The following ETNK2 variants were observed in gnomAD, a reference collection of about 807,000 sequenced individuals.
The protein encoded by ETNK2 is ethanolamine kinase 2.
In ETNK2, 33 loss-of-function variants were observed where a neutral mutation model predicts 46.2. That is an observed-to-expected ratio of 0.71 (90% CI 0.54 to 0.96). ETNK2 has a LOEUF of 0.96. ETNK2 is among the 40% of genes least tolerant of loss of function. The probability of loss-of-function intolerance (pLI) is 0.00; values close to 1 mark genes in which losing one functional copy is unlikely to be tolerated. For missense variants in ETNK2, 445 were observed against 509.7 expected, an observed-to-expected ratio of 0.87 and a Z score of 1.22; for synonymous variants, 194 against 209.0, an observed-to-expected ratio of 0.93 and a Z score of 0.62.
At position 204,133,778 on chromosome 1, in the gene ETNK2, G is replaced by A. The variant is rs571285214; in HGVS notation, c.1088+737C>T. 5.5e-3 allele frequency among the ~76,000 whole-genome samples: 835 copies of A among 152,246 alleles called. 4 individuals carry two copies. Among genetic ancestry groups the A allele is most frequent in the African/African-American group, 0.019 (797 of 41,548 alleles). On this transcript the variant is annotated intron_variant, in intron 7 of 7. Transcript: ENST00000367202. Reference sequence around the variant, plus strand: ...GATCTTCTGACCTCGTGATCCACCCGCCTCAGCCTCCCAAAGTGCTGGGAT... The same window carrying A: ...GATCTTCTGACCTCGTGATCCACCCACCTCAGCCTCCCAAAGTGCTGGGAT...
chr1:204,138,647 C>T (rs994652495), intron 5 of ETNK2: 2 of 152,194 alleles, frequency 1.3e-5, no homozygotes, highest in African/African-American at 2.4e-5. Context: ...CACAATTGGC[C>T]TGATGGGGCT....
At chr1:204,133,531 TTTA>T (rs1401953777) in intron 7 of ETNK2, among the ~76,000 whole-genome samples, 6 of 137,396 alleles carry the variant, frequency 4.4e-5, no homozygotes, top group Non-Finnish European at 7.8e-5. Flanking sequence ...TTTATTTTAT[TTTA>T]TTTTTTTTTT....
In ETNK2 at chr1:204,144,070, C is replaced by T. The variant is rs369326334; in HGVS notation, c.641+2572G>A. ...ATCAAAATGTAGCTTCCTGGCCGGG[C>T]GCAGTGGCTTACACCTGTAATCCCA... On this transcript the variant is annotated intron_variant, in intron 3 of 7. Coordinates refer to ENST00000367202, the MANE Select transcript of ETNK2 (RefSeq NM_018208.4). Among the ~76,000 whole-genome samples, 11 of 152,238 alleles carry T rather than the reference C, an allele frequency of 7.2e-5. No individual in the cohort carries two copies. The East Asian group carries it at 1.4e-3, about 19-fold the overall frequency.
intron 2 of ETNK2, chr1:204,147,500 G>C (rs74139468): frequency 0.019 from 10,022 of 533,238 alleles, 545 homozygotes; most frequent in African/African-American, 0.14. Context: ...CCCATCGCCC[G>C]AGGCCCTGTG....
chr1:204,141,271 C>G (rs199805218), intron 4 of ETNK2, 44 bp downstream of exon 4: 1 of 1,613,858 alleles, frequency 6.2e-7, no homozygotes, highest in African/African-American at 1.3e-5. Flanking sequence ...AGCTAACCAA[C>G]CAACCAAAAC....
chr1:204,135,231 T>C (rs1404445431), intron 6 of ETNK2, among the ~76,000 whole-genome samples: 1 of 152,158 alleles, frequency 6.6e-6, no homozygotes, highest in Non-Finnish European at 1.5e-5. Context: ...TCCTTGTGGC[T>C]AGAGGTACCC....
At chr1:204,145,180 G>A (rs555538910) in intron 3 of ETNK2, among the ~76,000 whole-genome samples, 12 of 152,208 alleles carry the variant, frequency 7.9e-5, no homozygotes, top group Non-Finnish European at 1.5e-4. Context: ...GAGGCTCAAC[G>A]AAGTTAAGCA....
chr1:204,149,435 A>T (rs1571635541), intron 2 of ETNK2, among the ~76,000 whole-genome samples: 1 of 152,182 alleles, frequency 6.6e-6, no homozygotes, highest in East Asian at 1.9e-4. Flanking sequence ...TGATGCCAGG[A>T]AGCAGATCTC....
Position 204,140,055 on chromosome 1 carries a change from T to C in ETNK2, c.848A>G (p.Asn283Ser), listed in dbSNP as rs1571617595. The change falls in exon 5 of 8, where the codon AAC (asparagine) becomes AGC (serine). Residue 283 changes from asparagine (N) to serine (S), a missense_variant. Transcript: ENST00000367202. ...GYNYQAFDIG[N>S]HFNEFAGVNE... ...CTCACCTGCAAACTCATTGAAATGGTTGCCAATGTCAAAAGCTTGGTAGTT... is the reference window on the plus strand; with the variant it reads ...CTCACCTGCAAACTCATTGAAATGGCTGCCAATGTCAAAAGCTTGGTAGTT... 1.2e-6 allele frequency: 2 copies of C among 1,613,822 alleles called. No homozygotes were observed. Among genetic ancestry groups the C allele is most frequent in the Non-Finnish European group, 1.7e-6 (2 of 1,179,858 alleles).
chr1:204,149,911 C>T lies in ETNK2; in HGVS notation c.310G>A (p.Asp104Asn). ...CGGACCAGCACGCAGTCCTGCATGT[C>T]CTCCTCCACATAGCAGGCCACCAGC... ...NKLVACYVEE[D>N]MQDCVLVRVY... The change falls in exon 2 of 8, where the codon GAC becomes AAC. Residue 104 changes from aspartate to asparagine, a missense_variant. Asp to Asn is a conservative substitution (Grantham distance 23). Transcript: ENST00000367202. 8 of 1,569,424 alleles carry T rather than the reference C, an allele frequency of 5.1e-6. No individual in the cohort carries two copies. The highest frequency in any genetic ancestry group is 1.4e-5 in the African/African-American group (1 of 73,794).
At chr1:204,139,630 C>A (rs757588467) in intron 5 of ETNK2, among the ~76,000 whole-genome samples, 8 of 152,182 alleles carry the variant, frequency 5.3e-5, no homozygotes, top group Non-Finnish European at 1.2e-4. Flanking sequence ...GGTCCCCATC[C>A]TAAAGAGGGT....
At position 204,141,295 on chromosome 1, in the gene ETNK2, C is replaced by T. The variant is rs201765091; in HGVS notation, c.784+20G>A. The T allele has an allele frequency of 6.2e-7, 1 of 1,614,006 alleles. No homozygotes were observed. Among genetic ancestry groups the T allele is most frequent in the Non-Finnish European group, 8.5e-7 (1 of 1,179,894 alleles). ...ACCAACCAAAACCCTGCTGCTGCCC[C>T]AGGGCCAGAGAAGCCATACCTTTGA... On this transcript the variant is annotated intron_variant, in intron 4 of 7. Coordinates refer to ENST00000367202, the MANE Select transcript of ETNK2 (RefSeq NM_018208.4).
In ETNK2 at chr1:204,151,713, C is replaced by T; in HGVS notation, c.140G>A (p.Arg47Lys). The T allele has an allele frequency of 6.5e-7, 1 of 1,542,918 alleles. No individual in the cohort carries two copies. Among genetic ancestry groups the T allele is most frequent in the South Asian group, 1.2e-5 (1 of 83,516 alleles). ...ASCREPPGPP[R>K]AAAVAYFGIS... Reference sequence around the variant, plus strand: ...GCCGAAGTACGCGACGGCGGCGGCCCTCGGGGGGCCCGGCGGCTCCCGGCA... The same window carrying T: ...GCCGAAGTACGCGACGGCGGCGGCCTTCGGGGGGCCCGGCGGCTCCCGGCA... Residue 47 changes from arginine to lysine, a missense_variant, in exon 1 of 8, where the codon AGG (arginine) becomes AAG (lysine). Transcript: ENST00000367202. The surrounding 1 kb of genome is among the most constrained non-coding windows in gnomAD (Gnocchi z 8.0).
intron 3 of ETNK2, among the ~76,000 whole-genome samples, chr1:204,144,367 A>AAAAAAAAAAAAAAAAAAC (rs1657695865): frequency 6.7e-6 from 1 of 150,210 alleles, no homozygotes; most frequent in East Asian, 1.9e-4. Flanking sequence ...AAAAAAAAAA[A>AAAAAAAAAAAAAAAAAAC]AAGCCATTTC....
intron 3 of ETNK2, among the ~76,000 whole-genome samples, chr1:204,145,779 G>T (rs960378414): frequency 6.6e-6 from 1 of 152,164 alleles, no homozygotes; most frequent in Non-Finnish European, 1.5e-5. Context: ...TTTGGAACAC[G>T]GGTGATAGCC....
intron 4 of ETNK2, among the ~76,000 whole-genome samples, chr1:204,140,835 T>TC (rs1198454675): frequency 2.6e-4 from 39 of 150,574 alleles, no homozygotes; most frequent in African/African-American, 9.5e-4. Context: ...ACTTTTTTTT[T>TC]TTTTTTAAAT....
In ETNK2 at chr1:204,137,236, C is replaced by T. The variant is rs375907212; in HGVS notation, c.882G>A (p.Val294=). The T allele has an allele frequency of 1.2e-6, 2 of 1,613,752 alleles. No homozygotes were observed. The highest frequency in any genetic ancestry group is 1.1e-5 in the South Asian group (1 of 91,042). The change falls in exon 6 of 8, where the codon GTG becomes GTA. Residue 294 remains valine, a synonymous_variant. Coordinates refer to ENST00000367202, the MANE Select transcript of ETNK2 (RefSeq NM_018208.4). ...CCCGCGCCGGGTACAGGCAGTAATC[C>T]ACCTCATTCACGCCTGAGGGGGAGG... ...HFNEFAGVNE[V]DYCLYPARET...
chr1:204,147,208 G>C (rs1444580337), intron 2 of ETNK2, among the ~76,000 whole-genome samples: 1 of 152,234 alleles, frequency 6.6e-6, no homozygotes, highest in African/African-American at 2.4e-5. Context: ...AGATCAGGGG[G>C]TGGTGATGCC....
chr1:204,144,390 T>C (rs1336693395), intron 3 of ETNK2, among the ~76,000 whole-genome samples: 1 of 127,094 alleles, frequency 7.9e-6, no homozygotes, highest in Admixed American at 8.4e-5. Flanking sequence ...AGGGGGCAAA[T>C]GCAAGACCTC....
Sources: gnomAD v4.1 joint callset for allele counts (sites outside exome capture counted in the v4.1 genomes callset) on GRCh38, gnomAD v4.1.1 for gene constraint, Gnocchi (gnomAD v3.1) non-coding constraint, MANE v1.5 for transcripts, NCBI Gene and HGNC (gene_info 2026-07-23, HGNC 2026-07-21) for gene names.